Variants in OTUD7B observed in about 807,000 individuals in gnomAD.
OTUD7B encodes OTU deubiquitinase 7B, also known as OTU domain-containing protein 7B.
OTUD7B carries 34 observed loss-of-function variants against 82.2 expected under a neutral mutation model. The observed-to-expected ratio is 0.41, with a 90% CI of 0.31 to 0.55. The LOEUF (loss-of-function observed/expected upper bound fraction) is 0.55, where lower values mean the gene tolerates loss of function less well. Among genes scored for constraint, OTUD7B ranks in the 20% least tolerant of loss-of-function variants. OTUD7B has a pLI of 0.20. For synonymous variants in OTUD7B, 398 were observed against 402.7 expected (o/e 0.99, Z 0.14); for missense variants, 944 against 1,062.1 (o/e 0.89, Z 1.55).
At chr1:150,050,850 G>A in the OTUD7B span, among the ~76,000 whole-genome samples, 7,166 of 149,574 alleles carry the variant, frequency 0.048, 242 homozygotes, top group Non-Finnish European at 0.072. Flanking sequence ...ATGCTTTCAA[G>A]TAAATTCTTA....
intron 1 of OTUD7B, among the ~76,000 whole-genome samples, chr1:149,980,691 G>A (rs891286160): frequency 2.0e-5 from 3 of 148,746 alleles, no homozygotes; most frequent in South Asian, 2.1e-4. Context: ...CAGCCTGGGC[G>A]ACAGAGCAAG....
Position 149,948,995 on chromosome 1 carries a change from A to T in OTUD7B, c.1212T>A (p.Asp404Glu), listed in dbSNP as rs1311820471. The part of the protein sequence containing the change: ...DPGKGWEWGK[D>E]DSDNVRLASV... ...TGGCCAATCGGACATTGTCACTATC[A>T]TCTTTGCCCCACTCCCAGCCCTTTC... is the stretch of plus-strand genomic sequence containing the variant. Residue 404 changes from aspartate to glutamate, a missense_variant, in exon 10 of 12, where the codon GAT becomes GAA. This residue lies in a region of OTUD7B where 530 missense variants were observed against 625.6 expected (regional missense o/e 0.85). Coordinates refer to ENST00000581312, the MANE Select transcript of OTUD7B (RefSeq NM_020205.4). 3 of 1,613,198 alleles carry T rather than the reference A, an allele frequency of 1.9e-6. No homozygotes were observed. The highest frequency in any genetic ancestry group is 2.7e-5 in the African/African-American group (2 of 74,898).
the OTUD7B span, among the ~76,000 whole-genome samples, chr1:150,039,269 T>C: frequency 6.6e-6 from 1 of 152,186 alleles, no homozygotes; most frequent in Non-Finnish European, 1.5e-5. Flanking sequence ...TATGTCAAAT[T>C]CCTATCAAGG....
the OTUD7B span, among the ~76,000 whole-genome samples, chr1:150,044,212 A>AT: frequency 1 from 151,935 of 151,948 alleles, 75,961 homozygotes; most frequent in Middle Eastern, 1. Context: ...GGTTTATTTT[A>AT]TTTTTTATTT....
At chr1:150,020,064 G>A in the OTUD7B span, among the ~76,000 whole-genome samples, 2 of 152,184 alleles carry the variant, frequency 1.3e-5, no homozygotes, top group African/African-American at 4.8e-5. Flanking sequence ...GGAGTTTGAG[G>A]CTGCAGTGAA....
intron 1 of OTUD7B, among the ~76,000 whole-genome samples, chr1:150,000,531 T>C (rs912862726): frequency 2.0e-5 from 3 of 151,162 alleles, no homozygotes; most frequent in Non-Finnish European, 4.4e-5. Flanking sequence ...GGGAGGGCAA[T>C]GGAGAAAACA....
chr1:149,984,199 C>T (rs72692830), intron 1 of OTUD7B, among the ~76,000 whole-genome samples: 5,498 of 152,192 alleles, frequency 0.036, 149 homozygotes, highest in Middle Eastern at 0.11. Context: ...AGCCACATCA[C>T]CTCCCCTTAC....
At chr1:150,017,319 G>A in the OTUD7B span, among the ~76,000 whole-genome samples, 2 of 152,186 alleles carry the variant, frequency 1.3e-5, no homozygotes, top group African/African-American at 2.4e-5. Flanking sequence ...TTTCCCAGGA[G>A]AGCTGGGTTA....
intron 1 of OTUD7B, among the ~76,000 whole-genome samples, chr1:149,993,043 AG>A (rs587667083): frequency 3.4e-4 from 51 of 152,180 alleles, no homozygotes; most frequent in African/African-American, 1.1e-3. Context: ...TCCAGCTACA[AG>A]GGAGGCTGAG....
At chr1:149,992,119 G>A (rs1651608792) in intron 1 of OTUD7B, among the ~76,000 whole-genome samples, 1 of 152,116 alleles carries the variant, frequency 6.6e-6, no homozygotes. Context: ...CAGCTACTCA[G>A]GAGGCTGAGG....
chr1:149,988,385 T>G (rs1290097650), intron 1 of OTUD7B, among the ~76,000 whole-genome samples: 1 of 152,190 alleles, frequency 6.6e-6, no homozygotes, highest in Non-Finnish European at 1.5e-5. Context: ...TTTCTAGTTT[T>G]GTATCAGGCC....
chr1:150,054,502 T>C, the OTUD7B span: 2 of 488,394 alleles, frequency 4.1e-6, no homozygotes, highest in Non-Finnish European at 4.0e-6. Flanking sequence ...ATCTTACTGA[T>C]ACTTACTTCA....
At chr1:149,959,362 G>A (rs762228251) in intron 7 of OTUD7B, among the ~76,000 whole-genome samples, 7 of 152,018 alleles carry the variant, frequency 4.6e-5, no homozygotes, top group Admixed American at 2.6e-4. Flanking sequence ...CACCACACCC[G>A]GCCTGATATG....
chr1:150,048,311 T>C, the OTUD7B span: 1 of 152,114 alleles, frequency 6.6e-6, no homozygotes, highest in African/African-American at 2.4e-5. Flanking sequence ...CATTCATCGA[T>C]AGAAAGGAAA....
At chr1:150,031,527 T>G in the OTUD7B span, among the ~76,000 whole-genome samples, 1 of 152,356 alleles carries the variant, frequency 6.6e-6, no homozygotes, top group South Asian at 2.1e-4. Context: ...ACGCTGTGCT[T>G]TTTCTAATTA....
At chr1:149,965,182 T>A (rs1571640049) in intron 5 of OTUD7B, among the ~76,000 whole-genome samples, 1 of 152,238 alleles carries the variant, frequency 6.6e-6, no homozygotes, top group Non-Finnish European at 1.5e-5. Flanking sequence ...CGTGAGCCAT[T>A]GAGCCCAGCC....
intron 2 of OTUD7B, among the ~76,000 whole-genome samples, chr1:149,972,027 T>C (rs1167305073): frequency 6.6e-6 from 1 of 152,198 alleles, no homozygotes; most frequent in East Asian, 1.9e-4. Context: ...TTGTGATCAT[T>C]TTAGTTCCAT....
At chr1:149,993,927 C>A (rs782345151) in intron 1 of OTUD7B, among the ~76,000 whole-genome samples, 2 of 152,126 alleles carry the variant, frequency 1.3e-5, no homozygotes, top group African/African-American at 2.4e-5. Context: ...TGAGTGGGTA[C>A]AAGTAGTATG....
chr1:150,014,048 G>A (rs1553787994), upstream of OTUD7B, among the ~76,000 whole-genome samples: 2 of 106,176 alleles, frequency 1.9e-5, no homozygotes, highest in East Asian at 3.1e-4. Flanking sequence ...ATATATGTGT[G>A]TGTATATATA....
Sources: allele counts gnomAD v4.1 joint callset (sites outside exome capture counted in the v4.1 genomes callset), GRCh38; gene constraint gnomAD v4.1.1; regional missense constraint gnomAD v4.1.1; transcripts MANE v1.5; gene names NCBI Gene and HGNC (gene_info 2026-07-23, HGNC 2026-07-21).